ZNF581: variants seen among roughly 807,000 people sequenced by gnomAD.
ZNF581 encodes zinc finger protein 581.
In ZNF581, 1 loss-of-function variant was observed where a neutral mutation model predicts 1.2. That is an observed-to-expected ratio of 0.83 (90% confidence interval 0.30 to 3.95). The LOEUF (loss-of-function observed/expected upper bound fraction) is 3.95. Ranked by LOEUF, ZNF581 falls within the 30% of genes most tolerant of loss-of-function variation. The pLI is 0.18. For missense variants in ZNF581, 273 were observed against 274.6 expected (o/e 0.99, Z 0.04); for synonymous variants, 105 against 109.2 (o/e 0.96, Z 0.24).
chr19:55,643,109 A>T, upstream of ZNF581: 2 of 1,298,904 alleles, frequency 1.5e-6, no homozygotes, highest in South Asian at 2.6e-5. Context: ...TCCCACACAC[A>T]CCCCCTGGCT....
upstream of ZNF581, chr19:55,641,272 A>G (rs958307260): frequency 5.9e-4 from 473 of 803,486 alleles, 2 homozygotes; most frequent in Middle Eastern, 1.3e-3. Context: ...GCCACCCGGG[A>G]TGGGGGTGGG....
At chr19:55,636,606 C>T (rs1221623344), upstream of ZNF581, among the ~76,000 whole-genome samples, 1 of 152,060 alleles carries the variant, frequency 6.6e-6, no homozygotes, top group Non-Finnish European at 1.5e-5. Flanking sequence ...AGAATGTTGA[C>T]CAGGATGGAG....
At chr19:55,637,066 T>G (rs1024203617), upstream of ZNF581, among the ~76,000 whole-genome samples, 5 of 152,224 alleles carry the variant, frequency 3.3e-5, no homozygotes, top group Admixed American at 3.3e-4. Flanking sequence ...CAATCCTGTC[T>G]CAGCTTCCTG....
chr19:55,640,297 G>A (rs1982373488), upstream of ZNF581: 1 of 985,462 alleles, frequency 1.0e-6, no homozygotes, highest in Non-Finnish European at 1.2e-6. Context: ...CGCAGCCAGC[G>A]CCCGGGCCTC....
At position 55,645,423 on chromosome 19, in the gene ZNF581, G is replaced by A; in HGVS notation, c.*258G>A. ...AGCCTAAAGATATCAGCTGTTCCAT[G>A]GCAGAGCCTTGACTGGATGGAGGTG... On this transcript the variant is annotated 3_prime_UTR_variant, in exon 2 of 2. Transcript: ENST00000270451. The A allele has an allele frequency of 2.6e-6, 1 of 379,946 alleles. No homozygotes were observed. The highest frequency in any genetic ancestry group is 4.0e-5 in the East Asian group (1 of 24,938). The allele number at this position is 379,946 out of a possible 1,614,324, so 23.5% of individuals were successfully genotyped here.
upstream of ZNF581, chr19:55,642,731 G>C (rs780430116): frequency 2.4e-5 from 37 of 1,515,646 alleles, no homozygotes; most frequent in Admixed American, 1.3e-4. Flanking sequence ...GGAGCCCCGG[G>C]GCCCGCCCCA....
At chr19:55,635,626 G>A in exon 1 of ZNF581, 2 of 976,618 alleles carry the variant, frequency 2.0e-6, no homozygotes, top group Non-Finnish European at 2.4e-6. Context: ...ACTGAAGTTT[G>A]GGGACATGAG....
upstream of ZNF581, chr19:55,640,723 AGGCAGCGAC>A: frequency 1.0e-6 from 1 of 985,474 alleles, no homozygotes; most frequent in Non-Finnish European, 1.2e-6. Flanking sequence ...ACGGCCGAGC[AGGCAGCGAC>A]GGCCCAGTGG....
At chr19:55,637,210 C>T (rs1490295712), upstream of ZNF581, among the ~76,000 whole-genome samples, 1 of 151,990 alleles carries the variant, frequency 6.6e-6, no homozygotes, top group African/African-American at 2.4e-5. Flanking sequence ...ATTCTGTGAG[C>T]TTAAAAAATC....
upstream of ZNF581, chr19:55,643,049 G>A: frequency 7.4e-7 from 1 of 1,345,538 alleles, no homozygotes; most frequent in Non-Finnish European, 9.6e-7. Context: ...GGCCTGTGCT[G>A]CCCTGCCCGT....
upstream of ZNF581, among the ~76,000 whole-genome samples, chr19:55,638,710 C>T (rs943479577): frequency 2.6e-5 from 4 of 151,972 alleles, no homozygotes; most frequent in African/African-American, 9.7e-5. Context: ...TGGAGGAGGC[C>T]AGGTGTGGTG....
chr19:55,645,100 C>A lies in ZNF581; in HGVS notation c.529C>A (p.His177Asn). 14 of 1,543,754 alleles carry A rather than the reference C, an allele frequency of 9.1e-6. No homozygotes were observed. The highest frequency in any genetic ancestry group is 1.2e-5 in the Non-Finnish European group (14 of 1,139,580). Residue 177 changes from histidine to asparagine, a missense_variant, in exon 2 of 2, where the codon CAC becomes AAC. Physicochemically the swap from His to Asn is moderately conservative, Grantham distance 68. Coordinates refer to ENST00000270451, the MANE Select transcript of ZNF581 (RefSeq NM_016535.4). ...HSGERPFQCPHCPRRFMEQNT... is the reference protein window; with the variant it reads ...HSGERPFQCPNCPRRFMEQNT... The stretch of plus-strand genomic sequence containing the variant: ...TGGGGAACGCCCGTTTCAGTGTCCA[C>A]ACTGCCCTCGCCGCTTTATGGAGCA...
upstream of ZNF581, chr19:55,643,509 G>C: frequency 8.8e-6 from 1 of 113,216 alleles, no homozygotes. Flanking sequence ...CACGTTGGGT[G>C]CTGGGGGGTG....
upstream of ZNF581, chr19:55,642,192 A>C: frequency 8.8e-7 from 1 of 1,134,236 alleles, no homozygotes; most frequent in Non-Finnish European, 1.1e-6. Context: ...GTGGGTTGAG[A>C]GGAGAAAAGG....
chr19:55,645,277 C>A lies in ZNF581; in HGVS notation c.*112C>A. The A allele has an allele frequency of 1.1e-6, 1 of 933,388 alleles. No homozygotes were observed. Among genetic ancestry groups the A allele is most frequent in the Admixed American group, 3.3e-5 (1 of 30,582 alleles). The allele number at this position is 933,388 out of a possible 1,614,324, so 57.8% of individuals were successfully genotyped here. ...GTGTTCAGGGCCCTGGACACAGACA[C>A]AGAGCAGCCGCATCTCAAAGGCAGA... is the stretch of plus-strand genomic sequence containing the variant. On this transcript the variant is annotated 3_prime_UTR_variant, in exon 2 of 2. Coordinates refer to ENST00000270451, the MANE Select transcript of ZNF581 (RefSeq NM_016535.4).
chr19:55,645,285 C>T lies in ZNF581; in HGVS notation c.*120C>T. ...GGCCCTGGACACAGACACAGAGCAG[C>T]CGCATCTCAAAGGCAGAGCCCTGCC... On this transcript the variant is annotated 3_prime_UTR_variant, in exon 2 of 2. Coordinates refer to ENST00000270451, the MANE Select transcript of ZNF581 (RefSeq NM_016535.4). 2.3e-6 allele frequency: 2 copies of T among 857,588 alleles called. No individual in the cohort carries two copies. The highest frequency in any genetic ancestry group is 3.4e-6 in the Non-Finnish European group (2 of 586,978). The allele number at this position is 857,588 out of a possible 1,614,324, so 53.1% of individuals were successfully genotyped here.
upstream of ZNF581, among the ~76,000 whole-genome samples, chr19:55,639,726 C>T (rs1982326343): frequency 6.6e-6 from 1 of 152,178 alleles, no homozygotes; most frequent in South Asian, 2.1e-4. Context: ...AAGCGATTCT[C>T]CTGCCTCAGC....
upstream of ZNF581, among the ~76,000 whole-genome samples, chr19:55,636,777 C>T (rs935828942): frequency 7.2e-5 from 11 of 152,098 alleles, no homozygotes; most frequent in African/African-American, 2.7e-4. Flanking sequence ...CTGCTATGAC[C>T]AAGTGTTCTG....
chr19:55,638,761 G>C (rs550310462), upstream of ZNF581, among the ~76,000 whole-genome samples: 1 of 152,200 alleles, frequency 6.6e-6, no homozygotes, highest in East Asian at 1.9e-4. Context: ...GGCTGAGGCA[G>C]GTGGATCACC....
Sources: allele counts gnomAD v4.1 joint callset (sites outside exome capture counted in the v4.1 genomes callset), GRCh38; gene constraint gnomAD v4.1.1; transcripts MANE v1.5; gene names NCBI Gene and HGNC (gene_info 2026-07-23, HGNC 2026-07-21).